The following PIGL variants were observed in gnomAD, a reference collection of about 807,000 sequenced individuals.
PIGL encodes the protein N-acetylglucosaminyl-phosphatidylinositol de-N-acetylase.
A neutral mutation model predicts 31.1 loss-of-function variants in PIGL; 22 were observed. The ratio of observed to expected loss-of-function variants is 0.71; its 90% CI spans 0.51 to 1.01. PIGL has a LOEUF of 1.01. Ranked by LOEUF, PIGL falls within the 50% of genes least tolerant of loss-of-function variation. The probability of loss-of-function intolerance (pLI) is 0.00; values close to 1 mark genes in which losing one functional copy is unlikely to be tolerated. For missense variants in PIGL, 302 were observed against 315.9 expected (o/e 0.96, Z 0.33); for synonymous variants, 131 against 117.4 (o/e 1.12, Z -0.75).
intron 2 of PIGL, among the ~76,000 whole-genome samples, chr17:16,274,753 C>T (rs576490522): frequency 3.3e-5 from 5 of 150,196 alleles, no homozygotes; most frequent in Admixed American, 6.6e-5. Flanking sequence ...AGGGATAGGC[C>T]GGGCACTATG....
chr17:16,299,951 G>T lies in PIGL; in HGVS notation c.399G>T (p.Gln133His). The change falls in exon 3 of 7, where the codon CAG becomes CAT. Residue 133 changes from glutamine (Q) to histidine (H), a missense_variant. Gln to His is a conservative substitution (Grantham distance 24). Transcript: ENST00000225609. ...AGCACGTGGCCAGAGTCCTCCTTCAGCACATAGAAGTGAATGGCATCAATC... is the reference window on the plus strand; with the variant it reads ...AGCACGTGGCCAGAGTCCTCCTTCATCACATAGAAGTGAATGGCATCAATC... ...DTEHVARVLL[Q>H]HIEVNGINLV... The T allele has an allele frequency of 6.2e-7, 1 of 1,613,970 alleles. No individual in the cohort carries two copies. Among genetic ancestry groups the T allele is most frequent in the Non-Finnish European group, 8.5e-7 (1 of 1,179,822 alleles).
At chr17:16,297,744 C>T (rs990976481) in intron 2 of PIGL, among the ~76,000 whole-genome samples, 1 of 152,182 alleles carries the variant, frequency 6.6e-6, no homozygotes, top group African/African-American at 2.4e-5. Flanking sequence ...GTCTGTCCTG[C>T]TCACTGCAGG....
intron 1 of PIGL, among the ~76,000 whole-genome samples, chr17:16,222,149 C>T (rs2092632299): frequency 6.6e-6 from 1 of 152,004 alleles, no homozygotes; most frequent in Non-Finnish European, 1.5e-5. Context: ...AAACAGGAAG[C>T]TATTAATTTG....
chr17:16,313,798 C>A (rs557436421), intron 4 of PIGL, among the ~76,000 whole-genome samples, 184 bp downstream of exon 4: 21 of 152,254 alleles, frequency 1.4e-4, no homozygotes, highest in Admixed American at 9.8e-4. Flanking sequence ...GCTGAGAAAT[C>A]TCTCTCAAGT....
chr17:16,247,259 G>T (rs535300701), intron 2 of PIGL, among the ~76,000 whole-genome samples: 7 of 152,248 alleles, frequency 4.6e-5, no homozygotes, highest in Admixed American at 2.0e-4. Flanking sequence ...ACACTATTCA[G>T]TTCATAGTAT....
intron 2 of PIGL, among the ~76,000 whole-genome samples, chr17:16,268,520 T>C (rs2092855311): frequency 1.3e-5 from 2 of 152,150 alleles, no homozygotes; most frequent in Non-Finnish European, 2.9e-5. Context: ...GCCATCTTGG[T>C]TCACTGCAAC....
intron 1 of PIGL, among the ~76,000 whole-genome samples, chr17:16,227,114 CTT>C (rs533884604): frequency 6.9e-6 from 1 of 144,938 alleles, no homozygotes; most frequent in Non-Finnish European, 1.5e-5. Context: ...TGGGTTTTTT[CTT>C]TTTTTTTTTT....
intron 1 of PIGL, among the ~76,000 whole-genome samples, chr17:16,219,827 T>C (rs1209733275): frequency 2.0e-5 from 3 of 151,876 alleles, no homozygotes; most frequent in African/African-American, 2.4e-5. Context: ...CCTCCCAAAG[T>C]GCTGGGATTA....
chr17:16,317,721 A>G, intron 5 of PIGL, 54 bp from the exon 6 acceptor site: 2 of 1,609,164 alleles, frequency 1.2e-6, no homozygotes, highest in Non-Finnish European at 1.7e-6. Flanking sequence ...TCAGGGGAAA[A>G]TCTGGCTGGA....
At chr17:16,320,120 A>AGGGAAG (rs1387094622) in intron 6 of PIGL, among the ~76,000 whole-genome samples, 1 of 149,304 alleles carries the variant, frequency 6.7e-6, no homozygotes, top group Non-Finnish European at 1.5e-5. Context: ...ATTAGGAAAA[A>AGGGAAG]GGGAAGGGGA....
At chr17:16,274,260 G>A (rs1167438634) in intron 2 of PIGL, among the ~76,000 whole-genome samples, 2 of 152,166 alleles carry the variant, frequency 1.3e-5, no homozygotes, top group Non-Finnish European at 1.5e-5. Flanking sequence ...GAAGGTTGGA[G>A]CGTGTAAAGG....
intron 1 of PIGL, among the ~76,000 whole-genome samples, chr17:16,224,257 G>A (rs192978265): frequency 2.4e-4 from 37 of 152,158 alleles, no homozygotes; most frequent in African/African-American, 7.2e-4. Context: ...TTATAGAAGC[G>A]CTATTATCTG....
chr17:16,256,302 A>C (rs1038652276), intron 2 of PIGL, among the ~76,000 whole-genome samples: 1 of 152,120 alleles, frequency 6.6e-6, no homozygotes, highest in Non-Finnish European at 1.5e-5. Flanking sequence ...ACCCAAGAAG[A>C]TGTTCATAAT....
chr17:16,236,658 C>T (rs761261361), intron 2 of PIGL, among the ~76,000 whole-genome samples: 1 of 152,100 alleles, frequency 6.6e-6, no homozygotes, highest in Admixed American at 6.6e-5. Flanking sequence ...GCCTCTGCCT[C>T]CCTGGTTCCA....
chr17:16,307,350 G>C (rs1406369814), intron 3 of PIGL, among the ~76,000 whole-genome samples: 1 of 152,206 alleles, frequency 6.6e-6, no homozygotes, highest in Non-Finnish European at 1.5e-5. Context: ...GTGCAGTAAA[G>C]TCCAGGGCAC....
At chr17:16,276,651 C>A (rs2092896994) in intron 2 of PIGL, among the ~76,000 whole-genome samples, 1 of 152,204 alleles carries the variant, frequency 6.6e-6, no homozygotes, top group South Asian at 2.1e-4. Flanking sequence ...GCAGGAGAAT[C>A]ACTTGAACCT....
chr17:16,305,625 A>G (rs982650359), intron 3 of PIGL, among the ~76,000 whole-genome samples: 8 of 152,182 alleles, frequency 5.3e-5, no homozygotes, highest in African/African-American at 1.4e-4. Context: ...GAATTTCAAA[A>G]GTGATGGAGC....
intron 2 of PIGL, among the ~76,000 whole-genome samples, chr17:16,290,244 G>A (rs981645367): frequency 6.6e-6 from 1 of 151,238 alleles, no homozygotes; most frequent in African/African-American, 2.4e-5. Flanking sequence ...CACCACACCC[G>A]GCTAATTATT....
At chr17:16,283,593 G>A (rs559406335) in intron 2 of PIGL, among the ~76,000 whole-genome samples, 108 of 152,282 alleles carry the variant, frequency 7.1e-4, no homozygotes, top group African/African-American at 2.5e-3. Context: ...GGGTGAGGTG[G>A]GAGGATCATC....
Sources: gnomAD v4.1 joint callset for allele counts (sites outside exome capture counted in the v4.1 genomes callset) on GRCh38, gnomAD v4.1.1 for gene constraint, MANE v1.5 for transcripts, NCBI Gene and HGNC (gene_info 2026-07-23, HGNC 2026-07-21) for gene names.